DNAJC9: variants seen among roughly 807,000 people sequenced by gnomAD.
The protein encoded by DNAJC9 is DnaJ heat shock protein family (Hsp40) member C9, also known as dnaJ homolog subfamily C member 9.
Under a neutral mutation model 32.4 loss-of-function variants are expected in DNAJC9, and 18 were observed. That is an observed-to-expected ratio of 0.56 (90% CI 0.38 to 0.82). The LOEUF is 0.82. DNAJC9 is among the 40% of genes least tolerant of loss of function. The pLI, the probability that DNAJC9 is intolerant of heterozygous loss-of-function variation, is 0.00. For synonymous variants in DNAJC9, 113 were observed against 122.1 expected (o/e 0.93, Z 0.49); for missense variants, 310 against 321.8 (o/e 0.96, Z 0.28).
chr10:73,245,833 AGTTTTAT>A, intron 3 of DNAJC9, 82 bp downstream of exon 3: 3 of 1,501,222 alleles, frequency 2.0e-6, no homozygotes, highest in South Asian at 2.5e-5. Context: ...TTATTTCTGG[AGTTTTAT>A]GTTTACTTCT....
intron 2 of DNAJC9, chr10:73,232,886 T>C (rs2043738523): frequency 1.8e-6 from 2 of 1,101,938 alleles, no homozygotes; most frequent in Non-Finnish European, 1.4e-6. Context: ...TAGTCTTGTC[T>C]TCCTTGACAT....
In DNAJC9 at chr10:73,246,634, G is replaced by A. The variant is rs914699803; in HGVS notation, c.321+54C>T. 2.0e-5 allele frequency: 32 copies of A among 1,582,668 alleles called. No homozygotes were observed. The East Asian group carries it at 3.4e-4, about 17-fold the overall frequency. Reference sequence around the variant, plus strand: ...AAGATCTTAGAGGCAGTCAATAAAGGTTTGTTGATTGAATGATGGTAACAG... The same window carrying A: ...AAGATCTTAGAGGCAGTCAATAAAGATTTGTTGATTGAATGATGGTAACAG... On this transcript the variant is annotated intron_variant, in intron 2 of 4. Transcript: ENST00000372950.
At chr10:73,246,236 T>G in intron 2 of DNAJC9, 60 bp from the exon 3 acceptor site, 2 of 1,539,302 alleles carry the variant, frequency 1.3e-6, no homozygotes, top group Non-Finnish European at 8.8e-7. Context: ...AAACGTACGT[T>G]AGTAAAACTA....
intron 2 of DNAJC9, among the ~76,000 whole-genome samples, chr10:73,233,351 A>AT (rs1002541145): frequency 1.7e-4 from 26 of 151,994 alleles, no homozygotes; most frequent in African/African-American, 6.3e-4. Context: ...ATTTTATTTT[A>AT]TTTTTTTAGA....
At position 73,246,995 on chromosome 10, in the gene DNAJC9, C is replaced by T. The variant is rs745901821; in HGVS notation, c.180+15G>A. ...CCCGCGCAGCCGGTCGGCTTCGGGG[C>T]GGGACCCTGCATACCTGGAAGCGGC... On this transcript the variant is annotated intron_variant, in intron 1 of 4. Coordinates refer to ENST00000372950, the MANE Select transcript of DNAJC9 (RefSeq NM_015190.5). 8 of 1,557,654 alleles carry T rather than the reference C, an allele frequency of 5.1e-6. No individual in the cohort carries two copies. The highest frequency in any genetic ancestry group is 2.7e-5 in the African/African-American group (2 of 73,692).
downstream of DNAJC9, chr10:73,239,445 G>C (rs2043895155): frequency 7.7e-7 from 1 of 1,299,212 alleles, no homozygotes; most frequent in Non-Finnish European, 1.1e-6. Flanking sequence ...CCCAGCCTTT[G>C]TCTTTTTTCC....
chr10:73,239,443 TTGTC>T, downstream of DNAJC9: 1 of 1,304,718 alleles, frequency 7.7e-7, no homozygotes, highest in East Asian at 2.5e-5. Context: ...GACCCAGCCT[TTGTC>T]TTTTTTCCTA....
At chr10:73,246,209 G>A (rs1445480675) in intron 2 of DNAJC9, 33 bp from the exon 3 acceptor site, 5 of 1,583,184 alleles carry the variant, frequency 3.2e-6, no homozygotes, top group Admixed American at 2.0e-5. Flanking sequence ...TTAACTTTGG[G>A]AATTTTACTT....
rs1202287703 is a variant in DNAJC9, at chr10:73,247,148, G to A, written c.42C>T (p.Ala14=). The stretch of plus-strand genomic sequence containing the variant: ...GCACGCCCAGCACCCGGTAAAGGTC[G>A]GCGGTGCCGAACACTTCCTCGCAAA... ...LDLCEEVFGT[A]DLYRVLGVRR... is the part of the protein sequence containing the mutation. The change falls in exon 1 of 5, where the codon GCC becomes GCT. Residue 14 remains alanine (A), a synonymous_variant. Transcript: ENST00000372950. The A allele has an allele frequency of 6.3e-7, 1 of 1,596,886 alleles. No individual in the cohort carries two copies. Among genetic ancestry groups the A allele is most frequent in the South Asian group, 1.1e-5 (1 of 88,536 alleles).
downstream of DNAJC9, chr10:73,241,305 G>A (rs2043947028): frequency 2.6e-6 from 1 of 390,466 alleles, no homozygotes; most frequent in Admixed American, 3.7e-5. Flanking sequence ...CCAAATCACT[G>A]CTCATGTTAT....
chr10:73,245,867 T>G (rs957329294), intron 3 of DNAJC9, 55 bp downstream of exon 3: 3 of 1,594,456 alleles, frequency 1.9e-6, no homozygotes, highest in African/African-American at 2.7e-5. Flanking sequence ...GTAAATACTC[T>G]CAAATCCTTT....
chr10:73,246,412 G>A (rs946569053), intron 2 of DNAJC9, among the ~76,000 whole-genome samples: 1 of 152,090 alleles, frequency 6.6e-6, no homozygotes, highest in Admixed American at 6.5e-5. Context: ...TTCCAAGAGT[G>A]AGAGGTGATC....
chr10:73,244,916 C>CCTA (rs2043990154), intron 3 of DNAJC9, among the ~76,000 whole-genome samples: 1 of 152,160 alleles, frequency 6.6e-6, no homozygotes, highest in East Asian at 1.9e-4. Flanking sequence ...TCAGCATCCC[C>CCTA]CTAAGGTTTG....
intron 3 of DNAJC9, 21 bp downstream of exon 3, chr10:73,245,901 C>G: frequency 6.2e-7 from 1 of 1,605,134 alleles, no homozygotes; most frequent in Non-Finnish European, 8.5e-7. Flanking sequence ...AAATATAAAT[C>G]CACAGTATTC....
downstream of DNAJC9, chr10:73,235,354 T>A: frequency 6.5e-7 from 1 of 1,549,644 alleles, no homozygotes; most frequent in South Asian, 1.2e-5. Flanking sequence ...GTCTTGATAG[T>A]TGGGGAAAGA....
downstream of DNAJC9, among the ~76,000 whole-genome samples, chr10:73,240,529 G>A (rs991226544): frequency 1.3e-5 from 2 of 152,240 alleles, no homozygotes; most frequent in Middle Eastern, 3.4e-3. Flanking sequence ...TGGCTAACAT[G>A]GTGAAACCCC....
chr10:73,239,763 A>G (rs1029768927), downstream of DNAJC9, among the ~76,000 whole-genome samples: 3 of 152,118 alleles, frequency 2.0e-5, no homozygotes, highest in Non-Finnish European at 2.9e-5. Flanking sequence ...CAAAATCCAT[A>G]TTCCTATGGA....
chr10:73,232,835 C>T, intron 2 of DNAJC9: 1 of 674,870 alleles, frequency 1.5e-6, no homozygotes, highest in Admixed American at 2.6e-5. Flanking sequence ...TGCTTTATTT[C>T]CCCCTAAATG....
At chr10:73,238,555 A>G (rs1251353888), downstream of DNAJC9, among the ~76,000 whole-genome samples, 2 of 152,246 alleles carry the variant, frequency 1.3e-5, no homozygotes, top group East Asian at 1.9e-4. Flanking sequence ...CCTTCATACC[A>G]TAACAGCGAA....
Sources: gnomAD v4.1 joint callset for allele counts (sites outside exome capture counted in the v4.1 genomes callset) on GRCh38, gnomAD v4.1.1 for gene constraint, MANE v1.5 for transcripts, NCBI Gene and HGNC (gene_info 2026-07-23, HGNC 2026-07-21) for gene names.